CATSPERG: variants seen among roughly 807,000 people sequenced by gnomAD.
CATSPERG encodes catsper channel auxiliary subunit gamma.
A neutral mutation model predicts 145.0 loss-of-function variants in CATSPERG; 115 were observed. The observed-to-expected ratio is 0.79, with a 90% CI of 0.68 to 0.93. The LOEUF is 0.93. Ranked by LOEUF, CATSPERG falls within the 40% of genes least tolerant of loss-of-function variation. The pLI, the probability that CATSPERG is intolerant of heterozygous loss-of-function variation, is 0.00. For synonymous variants in CATSPERG, 588 were observed against 589.0 expected (o/e 1.00, Z 0.02); for missense variants, 1,296 against 1,490.1 (o/e 0.87, Z 2.14).
At chr19:38,339,528 A>ATG (rs1969901940) in intron 3 of CATSPERG, among the ~76,000 whole-genome samples, 1 of 150,986 alleles carries the variant, frequency 6.6e-6, no homozygotes, top group African/African-American at 2.4e-5. Flanking sequence ...GCAGTGGCGC[A>ATG]ATCTCGGCAC....
intron 22 of CATSPERG, 131 bp downstream of exon 22, chr19:38,365,248 C>T: frequency 1.3e-6 from 1 of 754,042 alleles, no homozygotes. Flanking sequence ...CAACATTCAT[C>T]CACCCACCCA....
chr19:38,337,288 C>T lies in CATSPERG; in HGVS notation c.54C>T (p.Val18=), dbSNP rs766866808. The T allele has an allele frequency of 2.6e-6, 4 of 1,551,390 alleles. No individual in the cohort carries two copies. The highest frequency in any genetic ancestry group is 3.5e-6 in the Non-Finnish European group (4 of 1,147,020). ...GTCCTCCGTGGCCCAGAGTCCGAGT[C>T]GTGCAGGTGCTGTGGGCCCTGCTGG... ...PAGPPWPRVR[V]VQVLWALLAV... is the part of the protein sequence containing the mutation. Residue 18 remains valine, a synonymous_variant, in exon 2 of 29, where the codon GTC becomes GTT. Coordinates refer to ENST00000409235, the MANE Select transcript of CATSPERG (RefSeq NM_021185.5).
At chr19:38,356,281 C>T (rs1970241163) in intron 9 of CATSPERG, among the ~76,000 whole-genome samples, 1 of 152,128 alleles carries the variant, frequency 6.6e-6, no homozygotes, top group Non-Finnish European at 1.5e-5. Flanking sequence ...ATGGCCAGAC[C>T]TGAGGCATGA....
intron 20 of CATSPERG, among the ~76,000 whole-genome samples, chr19:38,364,218 G>A (rs1185181466): frequency 6.6e-6 from 1 of 151,974 alleles, no homozygotes; most frequent in African/African-American, 2.4e-5. Context: ...GGTGGCTGCC[G>A]GGCGGAGGGG....
At chr19:38,346,729 C>A (rs1455681497) in intron 7 of CATSPERG, 124 bp downstream of exon 7, 4 of 848,208 alleles carry the variant, frequency 4.7e-6, no homozygotes, top group Non-Finnish European at 6.7e-6. Flanking sequence ...CCATGAGAGG[C>A]AGATAGCATG....
At chr19:38,360,013 G>A in intron 14 of CATSPERG, 2 of 985,336 alleles carry the variant, frequency 2.0e-6, no homozygotes, top group Non-Finnish European at 2.4e-6. Flanking sequence ...GGACATCTTG[G>A]AGGCTGGAGG....
In CATSPERG at chr19:38,356,864, A is replaced by G. The variant is rs551404628; in HGVS notation, c.1315+3A>G. 6.2e-7 allele frequency: 1 copy of G among 1,613,914 alleles called. No homozygotes were observed. The highest frequency in any genetic ancestry group is 2.2e-5 in the East Asian group (1 of 44,876). On this transcript the variant is annotated splice_donor_region_variant and intron_variant, in intron 11 of 28. Transcript: ENST00000409235. ...CCAGGTGGTCAGCTACAACACAGGTAATGAGGGTGATGCAAGGGGCTGGGC... is the reference window on the plus strand; with the variant it reads ...CCAGGTGGTCAGCTACAACACAGGTGATGAGGGTGATGCAAGGGGCTGGGC...
At chr19:38,362,871 GTTTTTTTTT>G (rs553363428) in intron 20 of CATSPERG, 39 bp downstream of exon 20, 12 of 451,868 alleles carry the variant, frequency 2.7e-5, no homozygotes, top group Non-Finnish European at 3.4e-5. Flanking sequence ...GGGAGGTTTT[GTTTTTTTTT>G]TTTTTTTTTT....
chr19:38,364,136 C>T (rs1448908254), intron 20 of CATSPERG, among the ~76,000 whole-genome samples: 1 of 151,014 alleles, frequency 6.6e-6, no homozygotes, highest in Non-Finnish European at 1.5e-5. Flanking sequence ...GCTGGCCTGG[C>T]GGGGGCTGAC....
chr19:38,367,281 C>G lies in CATSPERG; in HGVS notation c.2739C>G (p.Asn913Lys). 1.9e-6 allele frequency: 3 copies of G among 1,613,320 alleles called. No homozygotes were observed. Among genetic ancestry groups the G allele is most frequent in the Non-Finnish European group, 2.5e-6 (3 of 1,179,962 alleles). ...ACTACTTTGACTGCGTTAACGTGAA[C>G]CCGGAGATGCCCTGCTTTCTCTTCC... is the stretch of plus-strand genomic sequence containing the variant. ...NKHYFDCVNVNPEMPCFLFRD... is the reference protein window; with the variant it reads ...NKHYFDCVNVKPEMPCFLFRD... Residue 913 changes from asparagine to lysine, a missense_variant, in exon 23 of 29, where the codon AAC becomes AAG. Transcript: ENST00000409235.
chr19:38,367,838 C>T lies in CATSPERG; in HGVS notation c.2930+62C>T, dbSNP rs1028256547. 11 of 1,478,352 alleles carry T rather than the reference C, an allele frequency of 7.4e-6. No individual in the cohort carries two copies. In the African/African-American group the frequency reaches 8.3e-5, roughly 11 times the overall value. 91.6% of individuals were successfully genotyped at this position (1,478,352 alleles called of 1,614,324 possible). On this transcript the variant is annotated intron_variant, in intron 25 of 28. Transcript: ENST00000409235. Reference sequence around the variant, plus strand: ...CTTCCCCTGGAGGCCTTTCCCACTTCCAAGCCAAGCCCACCTCGCAAGCCC... The same window carrying T: ...CTTCCCCTGGAGGCCTTTCCCACTTTCAAGCCAAGCCCACCTCGCAAGCCC...
intron 13 of CATSPERG, among the ~76,000 whole-genome samples, chr19:38,359,059 AG>A (rs1411148918): frequency 3.3e-5 from 5 of 152,062 alleles, no homozygotes; most frequent in African/African-American, 1.2e-4. Flanking sequence ...CATGTTGGGC[AG>A]GCTGGTCTCA....
Position 38,346,433 on chromosome 19 carries a change from CT to C in CATSPERG, c.670-16del. The C allele has an allele frequency of 6.6e-7, 1 of 1,524,816 alleles. No homozygotes were observed. Among genetic ancestry groups the C allele is most frequent in the Non-Finnish European group, 8.9e-7 (1 of 1,127,014 alleles). The allele number at this position is 1,524,816 out of a possible 1,614,324, so 94.5% of individuals were successfully genotyped here. ...AGTGGGGAGAGTGTTGGCGTCCCTCCTGTCCCTCCTTGGCAGCTCTTCAACC... is the reference window on the plus strand; with the variant it reads ...AGTGGGGAGAGTGTTGGCGTCCCTCCGTCCCTCCTTGGCAGCTCTTCAACC... On this transcript the variant is annotated splice_polypyrimidine_tract_variant and intron_variant, in intron 6 of 28. Transcript: ENST00000409235.
intron 13 of CATSPERG, 70 bp from the exon 14 acceptor site, chr19:38,359,400 G>A (rs943659033): frequency 6.1e-6 from 6 of 981,388 alleles, no homozygotes; most frequent in African/African-American, 3.2e-5. Flanking sequence ...TGGCTCCCGT[G>A]TTATTAGGCC....
In CATSPERG at chr19:38,367,708, G is replaced by A; in HGVS notation, c.2862G>A (p.Gly954=). 2 of 1,614,104 alleles carry A rather than the reference G, an allele frequency of 1.2e-6. No homozygotes were observed. The highest frequency in any genetic ancestry group is 1.7e-6 in the Non-Finnish European group (2 of 1,180,008). The change falls in exon 25 of 29, where the codon GGG becomes GGA. Residue 954 remains glycine (G), a synonymous_variant. Transcript: ENST00000409235. ...GSYVLLVVGG[G]PTLDSLKDYS... is the part of the protein sequence containing the mutation. ...ATGTTCTGCTGGTGGTGGGTGGCGGGCCCACACTGGACAGCCTCAAGGACT... is the reference window on the plus strand; with the variant it reads ...ATGTTCTGCTGGTGGTGGGTGGCGGACCCACACTGGACAGCCTCAAGGACT...
At position 38,335,838 on chromosome 19, in the gene CATSPERG, G is replaced by T; in HGVS notation, c.-52G>T. ...CGGGCAAGAGGGGCGGGACTGGTGC[G>T]GCCGAGTGACAGTTGACCGGTTTTA... On this transcript the variant is annotated 5_prime_UTR_variant, in exon 1 of 29. Coordinates refer to ENST00000409235, the MANE Select transcript of CATSPERG (RefSeq NM_021185.5). The T allele has an allele frequency of 4.8e-6, 1 of 206,732 alleles. No homozygotes were observed. Among genetic ancestry groups the T allele is most frequent in the Non-Finnish European group, 1.0e-5 (1 of 97,788 alleles). 12.8% of individuals were successfully genotyped at this position (206,732 alleles called of 1,614,324 possible). A position where few individuals can be genotyped will look rare whatever the true frequency, so the allele number is the denominator to read the frequency against.
At chr19:38,370,127 T>G in intron 27 of CATSPERG, 32 bp from the exon 28 acceptor site, 1 of 1,613,592 alleles carries the variant, frequency 6.2e-7, no homozygotes, top group Non-Finnish European at 8.5e-7. Flanking sequence ...TGGCTTCTCC[T>G]CTAATCCTGG....
intron 23 of CATSPERG, 78 bp from the exon 24 acceptor site, chr19:38,367,431 C>T: frequency 6.4e-7 from 1 of 1,565,406 alleles, no homozygotes; most frequent in Non-Finnish European, 8.7e-7. Context: ...CGGCATCTCA[C>T]TTTCCCCCGT....
At chr19:38,346,750 A>G in intron 7 of CATSPERG, 145 bp downstream of exon 7, 1 of 711,204 alleles carries the variant, frequency 1.4e-6, no homozygotes, top group Non-Finnish European at 2.1e-6. Flanking sequence ...AAGAAAAAAC[A>G]CAAGATTCTA....
Sources: gnomAD v4.1 joint callset for allele counts (sites outside exome capture counted in the v4.1 genomes callset) on GRCh38, gnomAD v4.1.1 for gene constraint, MANE v1.5 for transcripts, NCBI Gene and HGNC (gene_info 2026-07-23, HGNC 2026-07-21) for gene names.